Variants in MVB12B observed in about 807,000 individuals in gnomAD.
MVB12B encodes ESCRT-I complex subunit MVB12B.
MVB12B carries 16 observed loss-of-function variants against 41.6 expected under a neutral mutation model. The observed-to-expected ratio is 0.38, with a 90% CI of 0.26 to 0.58. The LOEUF (loss-of-function observed/expected upper bound fraction) is 0.58, where lower values mean the gene tolerates loss of function less well. Ranked by LOEUF, MVB12B falls within the 20% of genes least tolerant of loss-of-function variation. The pLI is 0.62. For synonymous variants in MVB12B, 133 were observed against 139.7 expected, an observed-to-expected ratio of 0.95 and a Z score of 0.34; for missense variants, 274 against 380.2, an observed-to-expected ratio of 0.72 and a Z score of 2.32.
chr9:126,379,082 C>T (rs950458858), intron 2 of MVB12B, among the ~76,000 whole-genome samples: 1 of 152,218 alleles, frequency 6.6e-6, no homozygotes, highest in Non-Finnish European at 1.5e-5. Flanking sequence ...TGTGGTTCCA[C>T]AGCCTTGGAG....
At chr9:126,418,684 C>A (rs1404395698) in intron 6 of MVB12B, among the ~76,000 whole-genome samples, 1 of 152,206 alleles carries the variant, frequency 6.6e-6, no homozygotes, top group Non-Finnish European at 1.5e-5. Context: ...TCCTGGCCTT[C>A]TAGGCATGGC....
chr9:126,329,382 A>C (rs938808320), intron 1 of MVB12B, among the ~76,000 whole-genome samples: 1 of 152,264 alleles, frequency 6.6e-6, no homozygotes, highest in Non-Finnish European at 1.5e-5. Flanking sequence ...TTCAGCATCC[A>C]GCAGCAGATC....
chr9:126,372,924 C>T (rs1392390915), intron 2 of MVB12B, among the ~76,000 whole-genome samples: 4 of 152,002 alleles, frequency 2.6e-5, no homozygotes, highest in East Asian at 1.9e-4. Flanking sequence ...CAGGAAATGG[C>T]GGGGCACAGT....
At chr9:126,401,251 AG>A (rs1273419302) in intron 6 of MVB12B, among the ~76,000 whole-genome samples, 1 of 152,200 alleles carries the variant, frequency 6.6e-6, no homozygotes, top group Admixed American at 6.5e-5. Context: ...TGCAGCTCCC[AG>A]GAGCCTCTTG....
intron 7 of MVB12B, among the ~76,000 whole-genome samples, chr9:126,474,792 G>A (rs1429355766): frequency 6.6e-6 from 1 of 152,172 alleles, no homozygotes; most frequent in African/African-American, 2.4e-5. Context: ...GTGCCTTCCT[G>A]GGCCATCGAA....
intron 7 of MVB12B, among the ~76,000 whole-genome samples, chr9:126,426,616 C>G (rs1350714492): frequency 6.6e-6 from 1 of 152,020 alleles, no homozygotes; most frequent in Non-Finnish European, 1.5e-5. Flanking sequence ...TAGATGTCTG[C>G]CCATTCACTC....
At chr9:126,346,586 G>A (rs1829595661) in intron 2 of MVB12B, among the ~76,000 whole-genome samples, 1 of 152,060 alleles carries the variant, frequency 6.6e-6, no homozygotes, top group Non-Finnish European at 1.5e-5. Context: ...TCTGGAGAGA[G>A]GTCTGAGCAC....
intron 7 of MVB12B, among the ~76,000 whole-genome samples, chr9:126,429,844 C>A (rs963039474): frequency 6.6e-6 from 1 of 152,144 alleles, no homozygotes; most frequent in African/African-American, 2.4e-5. Flanking sequence ...GCGAGTGCCT[C>A]CTCCTGGACT....
At chr9:126,377,622 C>T (rs10119521) in intron 2 of MVB12B, among the ~76,000 whole-genome samples, 2,516 of 152,086 alleles carry the variant, frequency 0.017, 55 homozygotes, top group African/African-American at 0.047. Flanking sequence ...TTTGATGGAG[C>T]CCATCCGTGT....
At chr9:126,416,064 G>A (rs1184428161) in intron 6 of MVB12B, among the ~76,000 whole-genome samples, 4 of 152,216 alleles carry the variant, frequency 2.6e-5, no homozygotes, top group Non-Finnish European at 5.9e-5. Flanking sequence ...GGAGGGATGG[G>A]CCAGAGCTGG....
chr9:126,366,399 T>C (rs965356693), intron 2 of MVB12B, among the ~76,000 whole-genome samples: 3 of 152,110 alleles, frequency 2.0e-5, no homozygotes, highest in Non-Finnish European at 4.4e-5. Context: ...TTATGGACTA[T>C]GTAGAAGATG....
Position 126,436,348 on chromosome 9 carries a change from A to G in MVB12B, c.757+14400A>G, listed in dbSNP as rs566603915. Among the ~76,000 whole-genome samples, 1 of 152,320 alleles carries G rather than the reference A, an allele frequency of 6.6e-6. No homozygotes were observed. The highest frequency in any genetic ancestry group is 1.9e-4 in the East Asian group (1 of 5,186). ...ACTCTTAGGTTTTAATTGGATTGGGAAAAAGAACCTACAAGTTATGAACTT... is the reference window on the plus strand; with the variant it reads ...ACTCTTAGGTTTTAATTGGATTGGGGAAAAGAACCTACAAGTTATGAACTT... On this transcript the variant is annotated intron_variant, in intron 7 of 9. Coordinates refer to ENST00000361171, the MANE Select transcript of MVB12B (RefSeq NM_033446.3). The surrounding 1 kb of genome is among the most constrained non-coding windows in gnomAD (Gnocchi z 4.1).
intron 2 of MVB12B, among the ~76,000 whole-genome samples, chr9:126,369,875 ACTC>A (rs1252759574): frequency 6.6e-6 from 1 of 151,594 alleles, no homozygotes; most frequent in African/African-American, 2.4e-5. Flanking sequence ...CTGGTCTCGA[ACTC>A]CTGACCTCAG....
At position 126,480,431 on chromosome 9, in the gene MVB12B, C is replaced by G. The variant is rs1833502476; in HGVS notation, c.758-938C>G. On this transcript the variant is annotated intron_variant, in intron 7 of 9. Coordinates refer to ENST00000361171, the MANE Select transcript of MVB12B (RefSeq NM_033446.3). The surrounding 1 kb of genome is among the most constrained non-coding windows in gnomAD (Gnocchi z 4.9). The stretch of plus-strand genomic sequence containing the variant: ...CCAGTCCTGGTGTGGCACCAGAGTC[C>G]TCCTCTCTGAGGTTATAATTCATAG... Among the ~76,000 whole-genome samples the G allele has an allele frequency of 6.6e-6, 1 of 152,158 alleles. No individual in the cohort carries two copies. Among genetic ancestry groups the G allele is most frequent in the Non-Finnish European group, 1.5e-5 (1 of 68,036 alleles).
At position 126,463,794 on chromosome 9, in the gene MVB12B, G is replaced by A. The variant is rs191646087; in HGVS notation, c.758-17575G>A. 4.9e-4 allele frequency among the ~76,000 whole-genome samples: 74 copies of A among 152,296 alleles called. No individual in the cohort carries two copies. The East Asian group carries it at 0.014, about 29-fold the overall frequency. ...AAGGTCAGAAGATCCCTGTGCTGTG[G>A]TACCAAGTGTCATATTTTATACCAT... On this transcript the variant is annotated intron_variant, in intron 7 of 9. Transcript: ENST00000361171.
At chr9:126,456,780 G>A (rs980573846) in intron 7 of MVB12B, among the ~76,000 whole-genome samples, 1 of 152,190 alleles carries the variant, frequency 6.6e-6, no homozygotes, top group Non-Finnish European at 1.5e-5. Flanking sequence ...CAAGAGCCAT[G>A]CTCCCCTCGA....
At chr9:126,447,549 T>C (rs531227255) in intron 7 of MVB12B, among the ~76,000 whole-genome samples, 2 of 152,318 alleles carry the variant, frequency 1.3e-5, no homozygotes, top group South Asian at 4.1e-4. Flanking sequence ...ATATGACCTC[T>C]ATAATTTTTT....
chr9:126,488,667 G>C (rs914128885), intron 9 of MVB12B, among the ~76,000 whole-genome samples: 1 of 152,206 alleles, frequency 6.6e-6, no homozygotes, highest in Non-Finnish European at 1.5e-5. Context: ...GTGTGACCCT[G>C]GCTGAATACA....
In MVB12B at chr9:126,386,134, G is replaced by A. The variant is rs1408062031; in HGVS notation, c.313-428G>A. On this transcript the variant is annotated intron_variant, in intron 3 of 9. Coordinates refer to ENST00000361171, the MANE Select transcript of MVB12B (RefSeq NM_033446.3). This position sits in a 1 kb window ranked among gnomAD's most constrained non-coding sequence, Gnocchi z 4.3. Reference sequence around the variant, plus strand: ...TGCAGACTGGTGATCACTTAGGAGAGTGATTGGTTCCCTGTTAGGTTTAGA... The same window carrying A: ...TGCAGACTGGTGATCACTTAGGAGAATGATTGGTTCCCTGTTAGGTTTAGA... Among the ~76,000 whole-genome samples, 2 of 152,224 alleles carry A rather than the reference G, an allele frequency of 1.3e-5. No individual in the cohort carries two copies. Among genetic ancestry groups the A allele is most frequent in the African/African-American group, 2.4e-5 (1 of 41,450 alleles).
Sources: gnomAD v4.1 joint callset for allele counts (sites outside exome capture counted in the v4.1 genomes callset) on GRCh38, gnomAD v4.1.1 for gene constraint, Gnocchi (gnomAD v3.1) non-coding constraint, MANE v1.5 for transcripts, NCBI Gene and HGNC (gene_info 2026-07-23, HGNC 2026-07-21) for gene names.